The following WARS2 variants were observed in gnomAD, a reference collection of about 807,000 sequenced individuals.
WARS2 encodes the protein tryptophanyl tRNA synthetase 2, mitochondrial, also known as tryptophan--tRNA ligase, mitochondrial.
In WARS2, 28 loss-of-function variants were observed where a neutral mutation model predicts 36.5. The observed-to-expected ratio is 0.77, with a 90% CI of 0.57 to 1.05. WARS2 has a LOEUF of 1.05. Among genes scored for constraint, WARS2 ranks in the 50% least tolerant of loss-of-function variants. The pLI is 0.00. For synonymous variants in WARS2, 174 were observed against 178.4 expected, an observed-to-expected ratio of 0.98 and a Z score of 0.20; for missense variants, 435 against 456.8, an observed-to-expected ratio of 0.95 and a Z score of 0.44.
intron 1 of WARS2, among the ~76,000 whole-genome samples, chr1:119,104,581 G>A (rs1456706144): frequency 6.8e-6 from 1 of 146,892 alleles, no homozygotes; most frequent in African/African-American, 2.5e-5. Context: ...AAATAAGAAA[G>A]CAAATAACAA....
At position 119,045,730 on chromosome 1, in the gene WARS2, A is replaced by G. The variant is rs12026194; in HGVS notation, c.349-68T>C. The G allele has an allele frequency of 3.2e-3, 4,022 of 1,250,634 alleles. 181 individuals carry two copies. In the East Asian group the frequency reaches 0.086, roughly 27 times the overall value. 77.5% of individuals were successfully genotyped at this position (1,250,634 alleles called of 1,614,324 possible). On this transcript the variant is annotated intron_variant, in intron 2 of 5. Transcript: ENST00000235521. The stretch of plus-strand genomic sequence containing the variant: ...TTCTTGCATATAAGAAGAACTAAGT[A>G]GTAAGTATTACCCTAAATGTCTGAA...
intron 1 of WARS2, among the ~76,000 whole-genome samples, chr1:119,130,252 T>C (rs1010509736): frequency 2.0e-5 from 3 of 152,226 alleles, no homozygotes; most frequent in Admixed American, 1.3e-4. Context: ...AGTTGTTGTA[T>C]AGATAATATG....
chr1:119,067,151 A>C (rs907474840), intron 2 of WARS2, among the ~76,000 whole-genome samples: 6 of 152,228 alleles, frequency 3.9e-5, no homozygotes, highest in African/African-American at 1.2e-4. Flanking sequence ...GCAAGAGAAT[A>C]TGGGCAGCAT....
intron 1 of WARS2, among the ~76,000 whole-genome samples, chr1:119,077,285 G>T (rs1651821908): frequency 6.6e-6 from 1 of 152,176 alleles, no homozygotes; most frequent in Non-Finnish European, 1.5e-5. Flanking sequence ...GTTCAGAGAG[G>T]AATTCCCAAG....
intron 1 of WARS2, among the ~76,000 whole-genome samples, chr1:119,135,759 TAGAGAG>T (rs71586673): frequency 1.4e-4 from 21 of 146,416 alleles, no homozygotes; most frequent in Middle Eastern, 3.6e-3. Flanking sequence ...GATAGAGAGA[TAGAGAG>T]AGAGAGAGAG....
intron 4 of WARS2, among the ~76,000 whole-genome samples, chr1:119,039,857 T>C (rs1648198889): frequency 6.6e-6 from 1 of 152,114 alleles, no homozygotes; most frequent in East Asian, 1.9e-4. Context: ...ACACATAGAT[T>C]TGCTGATAGG....
At chr1:119,072,522 T>G (rs1193838090) in intron 2 of WARS2, among the ~76,000 whole-genome samples, 1 of 151,912 alleles carries the variant, frequency 6.6e-6, no homozygotes, top group Non-Finnish European at 1.5e-5. Context: ...AAAATCAAAG[T>G]TTTAATTCTT....
Position 119,034,158 on chromosome 1 carries a change from C to A in WARS2, c.571G>T (p.Asp191Tyr). The change falls in exon 5 of 6, where the codon GAT (aspartate) becomes TAT (tyrosine). Residue 191 changes from aspartate to tyrosine, a missense_variant. Transcript: ENST00000235521. ...DQVQHMELVQ[D>Y]LAQGFNKKYG... ...TTCTTGTTGAAACCTTGTGCTAGAT[C>A]CTGAACTAGTTCCATGTGCTGGACT... 6.2e-7 allele frequency: 1 copy of A among 1,614,050 alleles called. No individual in the cohort carries two copies. Among genetic ancestry groups the A allele is most frequent in the Non-Finnish European group, 8.5e-7 (1 of 1,179,940 alleles).
intron 2 of WARS2, among the ~76,000 whole-genome samples, chr1:119,066,062 G>A (rs1650816983): frequency 1.3e-5 from 2 of 151,912 alleles, no homozygotes; most frequent in Admixed American, 6.6e-5. Flanking sequence ...GGCCAGTATA[G>A]AATAACTTAA....
chr1:119,070,094 T>C (rs761024943), intron 2 of WARS2, among the ~76,000 whole-genome samples: 1 of 152,218 alleles, frequency 6.6e-6, no homozygotes, highest in Non-Finnish European at 1.5e-5. Flanking sequence ...ATTTACTAAG[T>C]ACCAGGTACT....
At chr1:119,084,759 C>A (rs1355221981) in intron 1 of WARS2, among the ~76,000 whole-genome samples, 1 of 152,034 alleles carries the variant, frequency 6.6e-6, no homozygotes, top group African/African-American at 2.4e-5. Flanking sequence ...GTTCAAGAGC[C>A]ATATTTATGA....
chr1:119,122,839 A>G (rs926690326), intron 1 of WARS2, among the ~76,000 whole-genome samples: 1 of 152,186 alleles, frequency 6.6e-6, no homozygotes, highest in African/African-American at 2.4e-5. Flanking sequence ...AGCAACGAAG[A>G]CACAATGGCA....
chr1:119,056,492 T>C (rs1306116732), intron 2 of WARS2, among the ~76,000 whole-genome samples: 1 of 148,240 alleles, frequency 6.7e-6, no homozygotes, highest in Non-Finnish European at 1.5e-5. Flanking sequence ...TTAGTCCATA[T>C]ACATTCTATA....
chr1:119,124,443 T>G (rs1414881759), intron 1 of WARS2, among the ~76,000 whole-genome samples: 3 of 152,128 alleles, frequency 2.0e-5, no homozygotes, highest in African/African-American at 7.2e-5. Flanking sequence ...TGAGCCGAGA[T>G]AGTGCCACTG....
At chr1:119,044,642 T>C (rs1157957663) in intron 3 of WARS2, among the ~76,000 whole-genome samples, 1 of 152,208 alleles carries the variant, frequency 6.6e-6, no homozygotes, top group African/African-American at 2.4e-5. Flanking sequence ...GCAAAGTCAG[T>C]GTCTGGTGAG....
chr1:119,100,853 G>A (rs1268013952), intron 1 of WARS2, among the ~76,000 whole-genome samples: 1 of 152,112 alleles, frequency 6.6e-6, no homozygotes, highest in African/African-American at 2.4e-5. Context: ...GCCCAGGTTG[G>A]TCTCGAACTC....
At chr1:119,128,871 G>C (rs1655884084) in intron 1 of WARS2, among the ~76,000 whole-genome samples, 1 of 152,102 alleles carries the variant, frequency 6.6e-6, no homozygotes, top group Non-Finnish European at 1.5e-5. Flanking sequence ...GGAAAAGAAA[G>C]ACAAGAGGGC....
intron 4 of WARS2, among the ~76,000 whole-genome samples, chr1:119,041,304 T>G (rs991970334): frequency 6.6e-6 from 1 of 152,128 alleles, no homozygotes; most frequent in Non-Finnish European, 1.5e-5. Context: ...GCTTTATCTC[T>G]AGAAGGCCAA....
At chr1:119,095,277 C>T (rs971626399) in intron 1 of WARS2, among the ~76,000 whole-genome samples, 1 of 152,038 alleles carries the variant, frequency 6.6e-6, no homozygotes, top group Non-Finnish European at 1.5e-5. Context: ...AGAGAGAAAG[C>T]TACACTGCTA....
Sources: gnomAD v4.1 joint callset for allele counts (sites outside exome capture counted in the v4.1 genomes callset) on GRCh38, gnomAD v4.1.1 for gene constraint, MANE v1.5 for transcripts, NCBI Gene and HGNC (gene_info 2026-07-23, HGNC 2026-07-21) for gene names.